Variants in ABCC3 observed in about 807,000 individuals in gnomAD.
ABCC3 encodes ATP binding cassette subfamily C member 3.
In ABCC3, 121 loss-of-function variants were observed where a neutral mutation model predicts 165.3. The ratio of observed to expected loss-of-function variants is 0.73; its 90% CI spans 0.63 to 0.85. The LOEUF (loss-of-function observed/expected upper bound fraction) is 0.85, where lower values mean the gene tolerates loss of function less well. ABCC3 is among the 40% of genes least tolerant of loss of function. The pLI, the probability that ABCC3 is intolerant of heterozygous loss-of-function variation, is 0.00. For missense variants in ABCC3, 1,869 were observed against 1,964.1 expected, an observed-to-expected ratio of 0.95 and a Z score of 0.92; for synonymous variants, 733 against 810.1, an observed-to-expected ratio of 0.90 and a Z score of 1.62.
intron 26 of ABCC3, among the ~76,000 whole-genome samples, chr17:50,682,282 A>G (rs753012132): frequency 6.7e-6 from 1 of 149,816 alleles, no homozygotes; most frequent in Admixed American, 6.7e-5. Context: ...AGCCAATCCT[A>G]TCTCAAAGCC....
chr17:50,639,551 G>A (rs1009786143), intron 1 of ABCC3, among the ~76,000 whole-genome samples: 2 of 152,168 alleles, frequency 1.3e-5, no homozygotes, highest in Non-Finnish European at 2.9e-5. Flanking sequence ...CAGAGCACCC[G>A]GACTGTATTC....
At position 50,676,053 on chromosome 17, in the gene ABCC3, G is replaced by A; in HGVS notation, c.3030G>A (p.Leu1010=). The A allele has an allele frequency of 1.2e-6, 2 of 1,614,188 alleles. No individual in the cohort carries two copies. Among genetic ancestry groups the A allele is most frequent in the Non-Finnish European group, 1.7e-6 (2 of 1,180,030 alleles). Residue 1010 remains leucine, a synonymous_variant, in exon 22 of 31, where the codon CTG becomes CTA. Transcript: ENST00000285238. ...ACAGTAGACAGAACAACACTTCCCT[G>A]AGGCTGGGCGTCTATGCTGCTTTAG... The part of the protein sequence containing the change: ...MADSRQNNTS[L]RLGVYAALGI...
intron 23 of ABCC3, among the ~76,000 whole-genome samples, chr17:50,677,368 G>C (rs909426283): frequency 4.6e-5 from 7 of 152,190 alleles, no homozygotes; most frequent in African/African-American, 1.4e-4. Flanking sequence ...TAATGAATTA[G>C]TCAGTTCCCG....
chr17:50,664,450 A>G lies in ABCC3; in HGVS notation c.1338+339A>G, dbSNP rs149791333. The G allele has an allele frequency of 8.6e-3, 2,491 of 291,224 alleles. 54 individuals are homozygous for G. The highest frequency in any genetic ancestry group is 0.051 in the African/African-American group (2,328 of 45,948). 18.0% of individuals were successfully genotyped at this position (291,224 alleles called of 1,614,324 possible). The stretch of plus-strand genomic sequence containing the variant: ...CTGGGCACGGTGGCTCACGCCTGTA[A>G]TCCCAGCATTTTGGGAGACCAAGGC... On this transcript the variant is annotated intron_variant, in intron 10 of 30. Transcript: ENST00000285238.
intron 26 of ABCC3, among the ~76,000 whole-genome samples, chr17:50,681,533 A>G (rs1045348126): frequency 9.2e-5 from 14 of 151,856 alleles, no homozygotes; most frequent in Non-Finnish European, 1.3e-4. Flanking sequence ...CACATCTTCC[A>G]TTCCAGACAC....
At chr17:50,689,306 G>T (rs182342400) in intron 30 of ABCC3, among the ~76,000 whole-genome samples, 1 of 152,366 alleles carries the variant, frequency 6.6e-6, no homozygotes, top group Non-Finnish European at 1.5e-5. Flanking sequence ...GAGGGGAGGG[G>T]CCATGCCCTC....
At position 50,658,522 on chromosome 17, in the gene ABCC3, G is replaced by C. The variant is rs776562625; in HGVS notation, c.674+26G>C. 2.6e-5 allele frequency: 42 copies of C among 1,605,272 alleles called. No individual in the cohort carries two copies. The Admixed American group carries it at 3.7e-4, about 14-fold the overall frequency. On this transcript the variant is annotated intron_variant, in intron 6 of 30. Transcript: ENST00000285238. ...GTGAGTTGGCTCTTCCACCAGCCAG[G>C]CCAGAGGGAGGGGAGGGATGGAAGG...
intron 30 of ABCC3, among the ~76,000 whole-genome samples, chr17:50,690,375 A>G (rs1968101169): frequency 6.6e-6 from 1 of 152,142 alleles, no homozygotes; most frequent in South Asian, 2.1e-4. Flanking sequence ...CAGTGATGTC[A>G]CAGACACAGT....
intron 19 of ABCC3, among the ~76,000 whole-genome samples, chr17:50,673,980 C>CTTTCCTTCCT (rs1967725765): frequency 1.1e-4 from 1 of 9,412 alleles, no homozygotes; most frequent in African/African-American, 6.3e-4. Flanking sequence ...TTCTTTCTTT[C>CTTTCCTTCCT]TCTCTCTCTC....
chr17:50,659,090 TGAA>T, intron 6 of ABCC3, 144 bp from the exon 7 acceptor site: 1 of 943,514 alleles, frequency 1.1e-6, no homozygotes, highest in Admixed American at 2.4e-5. Flanking sequence ...ACTGAGGAAA[TGAA>T]GGAGACACCT....
intron 17 of ABCC3, among the ~76,000 whole-genome samples, chr17:50,671,331 A>G (rs1567834286): frequency 6.6e-6 from 1 of 152,044 alleles, no homozygotes; most frequent in Non-Finnish European, 1.5e-5. Context: ...GTACATTTAC[A>G]TTGCTGTGCA....
chr17:50,659,555 C>T (rs541152824), intron 7 of ABCC3, among the ~76,000 whole-genome samples, 187 bp downstream of exon 7: 10 of 152,322 alleles, frequency 6.6e-5, no homozygotes, highest in African/African-American at 1.2e-4. Flanking sequence ...GTTCTCCCAG[C>T]TCTGGTGGGG....
At chr17:50,639,851 C>T (rs1376447010) in intron 1 of ABCC3, among the ~76,000 whole-genome samples, 1 of 151,908 alleles carries the variant, frequency 6.6e-6, no homozygotes, top group Non-Finnish European at 1.5e-5. Context: ...GCAACCTCCA[C>T]CTCCCAGGTT....
intron 30 of ABCC3, among the ~76,000 whole-genome samples, chr17:50,688,086 A>G (rs140001519): frequency 1.1e-4 from 16 of 151,526 alleles, no homozygotes; most frequent in Middle Eastern, 3.4e-3. Flanking sequence ...TAATTTTTGT[A>G]TTTTTAGTAG....
rs1264167287 is a variant in ABCC3 at position 50,687,661 on chromosome 17, G to A, written c.4406G>A (p.Arg1469His). The change falls in exon 30 of 31, where the codon CGC becomes CAC. Residue 1469 changes from arginine to histidine, a missense_variant. Physicochemically the swap from Arg to His is conservative, Grantham distance 29. Transcript: ENST00000285238. ...ETDNLIQATIRTQFDTCTVLT... is the reference protein window; with the variant it reads ...ETDNLIQATIHTQFDTCTVLT... Reference sequence around the variant, plus strand: ...GACAACCTCATCCAGGCTACCATCCGCACCCAGTTTGATACCTGCACTGTC... The same window carrying A: ...GACAACCTCATCCAGGCTACCATCCACACCCAGTTTGATACCTGCACTGTC... The A allele has an allele frequency of 7.4e-6, 12 of 1,614,222 alleles. No individual in the cohort carries two copies. Among genetic ancestry groups the A allele is most frequent in the South Asian group, 2.2e-5 (2 of 91,092 alleles).
chr17:50,651,282 G>A (rs1215024008), intron 1 of ABCC3, among the ~76,000 whole-genome samples: 1 of 152,090 alleles, frequency 6.6e-6, no homozygotes, highest in Non-Finnish European at 1.5e-5. Flanking sequence ...AAGTCTCTCT[G>A]TAAAAATAAA....
intron 1 of ABCC3, among the ~76,000 whole-genome samples, chr17:50,654,310 A>G (rs1967177586): frequency 6.6e-6 from 1 of 152,250 alleles, no homozygotes; most frequent in Non-Finnish European, 1.5e-5. Context: ...TTTGCAAAGA[A>G]CATAAGAAAC....
rs770777991 is a variant in ABCC3, at chr17:50,676,589, G to A, written c.3378+1G>A. On this transcript the variant is annotated splice_donor_variant, in intron 23 of 30. Transcript: ENST00000285238. LOFTEE classifies it high-confidence loss of function. ...GGCTGTGCTCTACACCTTAGTGCAG[G>A]TGTGGGGTGGGCGTGATTCCAGTGT... 2.2e-5 allele frequency: 36 copies of A among 1,600,190 alleles called. No individual in the cohort carries two copies. The South Asian group carries it at 2.6e-4, about 11-fold the overall frequency.
At chr17:50,681,834 G>A (rs774423460) in intron 26 of ABCC3, among the ~76,000 whole-genome samples, 1 of 151,914 alleles carries the variant, frequency 6.6e-6, no homozygotes, top group Non-Finnish European at 1.5e-5. Context: ...CGTGGATTCC[G>A]TGGCCTGCAT....
Sources: allele counts gnomAD v4.1 joint callset (sites outside exome capture counted in the v4.1 genomes callset), GRCh38; gene constraint gnomAD v4.1.1; transcripts MANE v1.5; gene names NCBI Gene and HGNC (gene_info 2026-07-23, HGNC 2026-07-21).